The following TRAPPC9 variants were observed in gnomAD, a reference collection of about 807,000 sequenced individuals.
The protein encoded by TRAPPC9 is IKK2 binding protein.
Under a neutral mutation model 124.0 loss-of-function variants are expected in TRAPPC9, and 83 were observed. That is an observed-to-expected ratio of 0.67 (90% CI 0.56 to 0.80). The LOEUF is 0.80. Ranked by LOEUF, TRAPPC9 falls within the 30% of genes least tolerant of loss-of-function variation. The pLI, the probability that TRAPPC9 is intolerant of heterozygous loss-of-function variation, is 0.00. For missense variants in TRAPPC9, 1,302 were observed against 1,508.3 expected (o/e 0.86, Z 2.27); for synonymous variants, 638 against 617.5 (o/e 1.03, Z -0.49).
intron 4 of TRAPPC9, among the ~76,000 whole-genome samples, chr8:140,427,379 TCACACA>T (rs60720377): frequency 7.4e-5 from 11 of 148,494 alleles, no homozygotes; most frequent in East Asian, 4.0e-4. Flanking sequence ...TATCTCTCTC[TCACACA>T]CACACACACA....
Position 140,457,721 on chromosome 8 carries a change from G to A in TRAPPC9, c.-93C>T. On this transcript the variant is annotated 5_prime_UTR_variant, in exon 1 of 23. Coordinates refer to ENST00000438773, the MANE Select transcript of TRAPPC9 (RefSeq NM_001160372.4). ...GAGCAGCCTCTGCGGCCACTTCCCA[G>A]GCTCTGGGCTGGCGCTTCCTACTGG... 2 of 990,688 alleles carry A rather than the reference G, an allele frequency of 2.0e-6. No individual in the cohort carries two copies. Among genetic ancestry groups the A allele is most frequent in the Non-Finnish European group, 2.4e-6 (2 of 833,234 alleles). The allele number at this position is 990,688 out of a possible 1,614,324, so 61.4% of individuals were successfully genotyped here.
chr8:140,024,030 G>T lies in TRAPPC9; in HGVS notation c.2606C>A (p.Thr869Asn). 1 of 1,614,060 alleles carries T rather than the reference G, an allele frequency of 6.2e-7. No homozygotes were observed. Among genetic ancestry groups the T allele is most frequent in the Non-Finnish European group, 8.5e-7 (1 of 1,180,024 alleles). The change falls in exon 18 of 23, where the codon ACT becomes AAT. Residue 869 changes from threonine (T) to asparagine (N), a missense_variant. By Grantham distance (65) the Thr-to-Asn change is moderately conservative (BLOSUM62 0). Transcript: ENST00000438773. ...NFKYSGGPGH[T>N]EGYYRNLSLG... ...GGAGAGATTCCTGTAATATCCTTCA[G>T]TGTGGCCCGGGCCTCCAGAGTATTT...
At chr8:140,435,080 T>C (rs778129164) in intron 4 of TRAPPC9, 32 bp downstream of exon 4, 1 of 1,614,112 alleles carries the variant, frequency 6.2e-7, no homozygotes, top group African/African-American at 1.3e-5. Flanking sequence ...AGACTGCAAG[T>C]GAGCAGAGGC....
At chr8:140,032,413 C>A (rs575749764) in intron 17 of TRAPPC9, among the ~76,000 whole-genome samples, 8 of 152,186 alleles carry the variant, frequency 5.3e-5, no homozygotes, top group Non-Finnish European at 8.8e-5. Flanking sequence ...TCCTCCCCCC[C>A]CACCCTCCTC....
intron 19 of TRAPPC9, among the ~76,000 whole-genome samples, chr8:139,947,203 A>G (rs576338379): frequency 6.6e-6 from 1 of 152,252 alleles, no homozygotes; most frequent in South Asian, 2.1e-4. Context: ...GAGGAAATGA[A>G]CTACACGCGC....
chr8:140,231,635 G>A (rs1420347971), intron 16 of TRAPPC9, among the ~76,000 whole-genome samples: 3 of 149,652 alleles, frequency 2.0e-5, no homozygotes, highest in Admixed American at 2.0e-4. Flanking sequence ...TGAGATTACA[G>A]GTGTGGCACC....
intron 21 of TRAPPC9, among the ~76,000 whole-genome samples, chr8:139,860,093 C>G (rs61250544): frequency 0.34 from 51,873 of 152,176 alleles, 11,164 homozygotes; most frequent in African/African-American, 0.61. Flanking sequence ...GCTCCAGTAT[C>G]AGCACAGTGT....
chr8:140,456,583 C>T (rs2071673999), intron 1 of TRAPPC9, among the ~76,000 whole-genome samples: 1 of 152,068 alleles, frequency 6.6e-6, no homozygotes, highest in Non-Finnish European at 1.5e-5. Flanking sequence ...ACTAGTCCTC[C>T]ACACAATTAA....
At chr8:139,816,397 A>G (rs556237022) in intron 21 of TRAPPC9, among the ~76,000 whole-genome samples, 114 of 152,342 alleles carry the variant, frequency 7.5e-4, no homozygotes, top group Admixed American at 2.5e-3. Context: ...CCAGCCCACC[A>G]GGTGCAGATT....
chr8:140,065,222 G>T (rs535264451), intron 17 of TRAPPC9, among the ~76,000 whole-genome samples: 1 of 152,314 alleles, frequency 6.6e-6, no homozygotes, highest in East Asian at 1.9e-4. Context: ...GAGAGATGAA[G>T]AAGCTGCAAA....
intron 7 of TRAPPC9, among the ~76,000 whole-genome samples, chr8:140,384,997 A>G (rs989340505): frequency 7.2e-5 from 11 of 152,218 alleles, no homozygotes; most frequent in Non-Finnish European, 1.5e-4. Context: ...ATCAAACTAG[A>G]ACTCAGGATT....
chr8:139,774,938 C>A (rs912793555), intron 21 of TRAPPC9, among the ~76,000 whole-genome samples: 18 of 152,200 alleles, frequency 1.2e-4, no homozygotes, highest in African/African-American at 4.1e-4. Flanking sequence ...GTCCCAGGAA[C>A]AAGAACCTGA....
chr8:140,290,328 A>G (rs2065613607), intron 12 of TRAPPC9, among the ~76,000 whole-genome samples: 1 of 152,210 alleles, frequency 6.6e-6, no homozygotes, highest in Non-Finnish European at 1.5e-5. Context: ...ACACAGCAGC[A>G]CCACACAGCA....
intron 2 of TRAPPC9, among the ~76,000 whole-genome samples, chr8:140,441,100 T>C (rs897961454): frequency 1.4e-5 from 2 of 145,936 alleles, no homozygotes; most frequent in Admixed American, 1.4e-4. Context: ...CACCTCAGCC[T>C]CCCCAGTAAC....
intron 21 of TRAPPC9, among the ~76,000 whole-genome samples, chr8:139,803,992 CACA>C (rs1214939735): frequency 2.0e-5 from 3 of 152,062 alleles, no homozygotes; most frequent in African/African-American, 7.3e-5. Context: ...CTGCAAACAA[CACA>C]ACAACCACTG....
chr8:139,795,875 G>A (rs1156798079), intron 21 of TRAPPC9, among the ~76,000 whole-genome samples: 1 of 152,160 alleles, frequency 6.6e-6, no homozygotes, highest in African/African-American at 2.4e-5. Flanking sequence ...GTGCGTGAAT[G>A]CACAGGGTCA....
chr8:140,448,883 G>A (rs2071358801), intron 2 of TRAPPC9, among the ~76,000 whole-genome samples: 1 of 152,146 alleles, frequency 6.6e-6, no homozygotes, highest in Non-Finnish European at 1.5e-5. Context: ...TGGCTGCCCG[G>A]GTCTCTAAAC....
intron 21 of TRAPPC9, among the ~76,000 whole-genome samples, chr8:139,755,569 AGG>A (rs1374216190): frequency 1.0e-3 from 136 of 134,514 alleles, no homozygotes; most frequent in African/African-American, 3.8e-3. Context: ...AGGAGGAGCC[AGG>A]GATGGGGTAT....
chr8:140,069,334 T>G (rs1467443045), intron 17 of TRAPPC9, among the ~76,000 whole-genome samples: 2 of 152,114 alleles, frequency 1.3e-5, no homozygotes, highest in African/African-American at 4.8e-5. Context: ...ATCAGCAACT[T>G]AAGGCCTCAG....
Sources: gnomAD v4.1 joint callset for allele counts (sites outside exome capture counted in the v4.1 genomes callset) on GRCh38, gnomAD v4.1.1 for gene constraint, MANE v1.5 for transcripts, NCBI Gene and HGNC (gene_info 2026-07-23, HGNC 2026-07-21) for gene names.